GNAS-AS1: variants seen among roughly 807,000 people sequenced by gnomAD.
GNAS-AS1 encodes the protein GNAS antisense RNA 1, also known as GNAS antisense RNA 1 (non-protein coding).
rs2085693599 is a variant in GNAS-AS1, at chr20:58,840,927, G to A, written n.819+1010C>T. ...CTAAACTGGGGAGCCTGAGGGCGGT[G>A]TGGGAGCAGCGCAGGTGGAAAGGAG... On this transcript the variant is annotated intron_variant and non_coding_transcript_variant, in intron 4 of 4. Transcript: ENST00000424094. This position sits in a 1 kb window ranked among gnomAD's most constrained non-coding sequence, Gnocchi z 6.0. The A allele has an allele frequency of 6.2e-7, 1 of 1,606,650 alleles. No individual in the cohort carries two copies. Among genetic ancestry groups the A allele is most frequent in the African/African-American group, 1.3e-5 (1 of 74,906 alleles).
Position 58,841,472 on chromosome 20 carries a change from G to A in GNAS-AS1, n.819+465C>T. ...GCGGCGCCTAAGCAGCTCAGAGCCG[G>A]AGCCCAGGTCCCAGAGCTGACAATT... On this transcript the variant is annotated intron_variant and non_coding_transcript_variant, in intron 4 of 4. Transcript: ENST00000424094. The surrounding 1 kb of genome is among the most constrained non-coding windows in gnomAD (Gnocchi z 5.0). 1 of 992,000 alleles carries A rather than the reference G, an allele frequency of 1.0e-6. No homozygotes were observed. The highest frequency in any genetic ancestry group is 1.7e-5 in the African/African-American group (1 of 57,504). The allele number at this position is 992,000 out of a possible 1,614,324, so 61.4% of individuals were successfully genotyped here.
intron 4 of GNAS-AS1, among the ~76,000 whole-genome samples, chr20:58,830,726 C>A (rs867158787): frequency 9.4e-5 from 14 of 149,332 alleles, no homozygotes; most frequent in Middle Eastern, 3.4e-3. Flanking sequence ...GCTACACCAC[C>A]ATCATAACCA....
chr20:58,847,550 C>A (rs1438187440), intron 2 of GNAS-AS1, among the ~76,000 whole-genome samples: 1 of 152,236 alleles, frequency 6.6e-6, no homozygotes, highest in African/African-American at 2.4e-5. Context: ...TGCCTAAATT[C>A]TTTTCTACCT....
chr20:58,850,375 TC>T (rs986938129), intron 1 of GNAS-AS1, among the ~76,000 whole-genome samples: 4 of 152,244 alleles, frequency 2.6e-5, no homozygotes, highest in Admixed American at 2.6e-4. Flanking sequence ...AACAAAGGGG[TC>T]CCACAGACCC....
chr20:58,822,416 G>A (rs1179862098), intron 4 of GNAS-AS1, among the ~76,000 whole-genome samples: 3 of 152,292 alleles, frequency 2.0e-5, no homozygotes, highest in South Asian at 2.1e-4. Context: ...CCCCAGCTAC[G>A]GTTGTCTATG....
chr20:58,840,272 G>A lies in GNAS-AS1; in HGVS notation n.819+1665C>T, dbSNP rs754947062. On this transcript the variant is annotated intron_variant and non_coding_transcript_variant, in intron 4 of 4. Coordinates refer to ENST00000424094, the Ensembl canonical transcript of GNAS-AS1. This position sits in a 1 kb window ranked among gnomAD's most constrained non-coding sequence, Gnocchi z 6.0. ...CTCCAACGCCCGTGCCCAGCAGCGC[G>A]CGGCTGCCCAACAGCGCCGGAGCTT... The A allele has an allele frequency of 1.9e-6, 3 of 1,611,950 alleles. No homozygotes were observed.
intron 4 of GNAS-AS1, among the ~76,000 whole-genome samples, chr20:58,837,703 A>G (rs992504972): frequency 3.9e-5 from 6 of 152,238 alleles, no homozygotes; most frequent in African/African-American, 1.4e-4. Context: ...TCGGCCTCCC[A>G]AAGTGCTGGG....
Position 58,841,276 on chromosome 20 carries a change from A to G in GNAS-AS1, n.819+661T>C. ...CCTCCTAGAAAGACTAGTCTCAAAT[A>G]AGTTGGCCTTCTCAGGTGTCCAAAA... On this transcript the variant is annotated intron_variant and non_coding_transcript_variant, in intron 4 of 4. Transcript: ENST00000424094. This position sits in a 1 kb window ranked among gnomAD's most constrained non-coding sequence, Gnocchi z 5.0. The G allele has an allele frequency of 1.9e-6, 2 of 1,037,774 alleles. No homozygotes were observed. Among genetic ancestry groups the G allele is most frequent in the Non-Finnish European group, 2.4e-6 (2 of 847,272 alleles). The allele number at this position is 1,037,774 out of a possible 1,614,324, so 64.3% of individuals were successfully genotyped here. A position where few individuals can be genotyped will look rare whatever the true frequency, so the allele number is the denominator to read the frequency against.
At chr20:58,826,353 CT>C (rs1302455818) in intron 4 of GNAS-AS1, among the ~76,000 whole-genome samples, 1 of 152,202 alleles carries the variant, frequency 6.6e-6, no homozygotes, top group African/African-American at 2.4e-5. Context: ...CAGCATCCCC[CT>C]GGTTAGCACT....
chr20:58,826,538 C>G (rs2085521594), intron 4 of GNAS-AS1, among the ~76,000 whole-genome samples: 1 of 152,134 alleles, frequency 6.6e-6, no homozygotes, highest in African/African-American at 2.4e-5. Context: ...AAATTGTGGC[C>G]ATTCCCGGCT....
chr20:58,837,771 C>T (rs2085614856), intron 4 of GNAS-AS1, among the ~76,000 whole-genome samples: 1 of 152,198 alleles, frequency 6.6e-6, no homozygotes, highest in Admixed American at 6.5e-5. Context: ...TACAAACTAA[C>T]ACAGAGTGCA....
At position 58,840,836 on chromosome 20, in the gene GNAS-AS1, C is replaced by T; in HGVS notation, n.819+1101G>A. On this transcript the variant is annotated intron_variant and non_coding_transcript_variant, in intron 4 of 4. Transcript: ENST00000424094. The surrounding 1 kb of genome is among the most constrained non-coding windows in gnomAD (Gnocchi z 6.0). ...CAAAAAGGGACCCATCCCCATCCGG[C>T]GTCACTAATGGAGGACGCCGTCCAG... 1 of 1,612,794 alleles carries T rather than the reference C, an allele frequency of 6.2e-7. No homozygotes were observed. The highest frequency in any genetic ancestry group is 8.5e-7 in the Non-Finnish European group (1 of 1,179,878).
chr20:58,820,124 G>A (rs984591366), intron 4 of GNAS-AS1, among the ~76,000 whole-genome samples: 27 of 152,394 alleles, frequency 1.8e-4, no homozygotes, highest in Middle Eastern at 6.8e-3. Flanking sequence ...ATGGCAAAGA[G>A]ATGCCTTCAC....
intron 2 of GNAS-AS1, among the ~76,000 whole-genome samples, chr20:58,842,863 T>C (rs928482173): frequency 5.3e-5 from 8 of 152,240 alleles, no homozygotes; most frequent in African/African-American, 1.9e-4. Context: ...AGACTGGGTA[T>C]TCCGGGAGAC....
At chr20:58,828,509 G>C (rs2085534596) in intron 4 of GNAS-AS1, among the ~76,000 whole-genome samples, 1 of 152,198 alleles carries the variant, frequency 6.6e-6, no homozygotes, top group African/African-American at 2.4e-5. Context: ...CCACTAACCA[G>C]CTGGTCCCAC....
chr20:58,831,724 T>C (rs538715947), intron 4 of GNAS-AS1, among the ~76,000 whole-genome samples: 17 of 152,354 alleles, frequency 1.1e-4, no homozygotes, highest in East Asian at 9.6e-4. Context: ...TTCATTCATT[T>C]ATTATAAGGA....
At chr20:58,847,828 C>T (rs1476564803) in intron 2 of GNAS-AS1, among the ~76,000 whole-genome samples, 1 of 152,208 alleles carries the variant, frequency 6.6e-6, no homozygotes, top group Non-Finnish European at 1.5e-5. Flanking sequence ...CAGGTAGCTA[C>T]CTAAACTTGA....
At chr20:58,846,832 C>G (rs1193955173) in intron 2 of GNAS-AS1, among the ~76,000 whole-genome samples, 4 of 152,150 alleles carry the variant, frequency 2.6e-5, no homozygotes, top group Non-Finnish European at 5.9e-5. Context: ...CCCAGAAGCC[C>G]CCAGGGTGGC....
intron 4 of GNAS-AS1, chr20:58,836,269 G>C (rs1162556060): frequency 6.6e-6 from 1 of 152,144 alleles, no homozygotes; most frequent in Non-Finnish European, 1.5e-5. Context: ...TTCTGACAAA[G>C]CGCCAACTTT....
Sources: allele counts gnomAD v4.1 joint callset (sites outside exome capture counted in the v4.1 genomes callset), GRCh38; gene constraint gnomAD v4.1.1; non-coding constraint Gnocchi (gnomAD v3.1); transcripts MANE v1.5; gene names NCBI Gene and HGNC (gene_info 2026-07-23, HGNC 2026-07-21).